The following ERMAP variants were observed in gnomAD, a reference collection of about 807,000 sequenced individuals.
The protein encoded by ERMAP is erythroblast membrane associated protein (Scianna blood group).
In ERMAP, 34 loss-of-function variants were observed where a neutral mutation model predicts 49.5. The ratio of observed to expected loss-of-function variants is 0.69; its 90% confidence interval spans 0.52 to 0.91. ERMAP has a LOEUF of 0.91. ERMAP is among the 40% of genes least tolerant of loss of function. ERMAP has a pLI of 0.00. For synonymous variants in ERMAP, 214 were observed against 232.2 expected (o/e 0.92, Z 0.71); for missense variants, 541 against 582.6 (o/e 0.93, Z 0.74).
Position 42,819,710 on chromosome 1 carries a change from T to C in ERMAP, c.-122+2457T>C, listed in dbSNP as rs1654357024. Among the ~76,000 whole-genome samples, 2 of 152,198 alleles carry C rather than the reference T, an allele frequency of 1.3e-5. No homozygotes were observed. The highest frequency in any genetic ancestry group is 6.5e-5 in the Admixed American group (1 of 15,276). ...GGTGGGCTCAAGTGATCCTCCCGCTTCAGCCCCTCAGTGGCTGGTACTACA... is the reference window on the plus strand; with the variant it reads ...GGTGGGCTCAAGTGATCCTCCCGCTCCAGCCCCTCAGTGGCTGGTACTACA... On this transcript the variant is annotated intron_variant, in intron 1 of 11. Coordinates refer to ENST00000372517, the MANE Select transcript of ERMAP (RefSeq NM_001017922.2). The surrounding 1 kb of genome is among the most constrained non-coding windows in gnomAD (Gnocchi z 5.1).
At position 42,819,206 on chromosome 1, in the gene ERMAP, T is replaced by C. The variant is rs2367021; in HGVS notation, c.-122+1953T>C. 0.024 allele frequency among the ~76,000 whole-genome samples: 1,927 copies of C among 81,788 alleles called. 47 individuals are homozygous for C. The highest frequency in any genetic ancestry group is 0.06 in the African/African-American group (1,707 of 28,600). 53.7% of individuals were successfully genotyped at this position (81,788 alleles called of 152,430 possible). ...GTGTGTGTGTGTGTGTGTGTGTGTG[T>C]GCGCGCGCGCAAGAGAGGGACCGAG... On this transcript the variant is annotated intron_variant, in intron 1 of 11. Transcript: ENST00000372517. This position sits in a 1 kb window ranked among gnomAD's most constrained non-coding sequence, Gnocchi z 5.1.
chr1:42,828,765 C>T (rs1453403109), intron 2 of ERMAP, among the ~76,000 whole-genome samples: 1 of 152,082 alleles, frequency 6.6e-6, no homozygotes, highest in African/African-American at 2.4e-5. Context: ...CCCGAAAGTG[C>T]AGGGTTATAG....
rs916422194 is a variant in ERMAP at position 42,819,214 on chromosome 1, C to T, written c.-122+1961C>T. 1.8e-4 allele frequency among the ~76,000 whole-genome samples: 25 copies of T among 140,958 alleles called. 1 individual carries two copies. The highest frequency in any genetic ancestry group is 9.0e-4 in the East Asian group (4 of 4,464). 92.5% of individuals were successfully genotyped at this position (140,958 alleles called of 152,430 possible). A position where few individuals can be genotyped will look rare whatever the true frequency, so the allele number is the denominator to read the frequency against. On this transcript the variant is annotated intron_variant, in intron 1 of 11. Transcript: ENST00000372517. This position sits in a 1 kb window ranked among gnomAD's most constrained non-coding sequence, Gnocchi z 5.1. ...GTGTGTGTGTGTGTGTGTGCGCGCG[C>T]GCAAGAGAGGGACCGAGAGAGAGAA...
intron 7 of ERMAP, 45 bp downstream of exon 7, chr1:42,837,235 C>T (rs747832466): frequency 6.4e-7 from 1 of 1,574,180 alleles, no homozygotes; most frequent in African/African-American, 1.4e-5. Context: ...AAAACACATT[C>T]TTTATTTTTC....
At chr1:42,839,930 T>G in intron 8 of ERMAP, 103 bp from the exon 9 acceptor site, 4 of 1,160,570 alleles carry the variant, frequency 3.4e-6, no homozygotes, top group Non-Finnish European at 5.1e-6. Context: ...GTATAGCTAT[T>G]GAGTATCTGT....
intron 1 of ERMAP, 94 bp from the exon 2 acceptor site, chr1:42,825,529 C>G: frequency 8.3e-7 from 1 of 1,202,754 alleles, no homozygotes; most frequent in Non-Finnish European, 1.1e-6. Flanking sequence ...TGCTGGTTTA[C>G]AGGGACAGCG....
chr1:42,834,642 G>A, intron 4 of ERMAP: 1 of 237,848 alleles, frequency 4.2e-6, no homozygotes, highest in Non-Finnish European at 8.4e-6. Context: ...TGCAACCTCT[G>A]CCTCCCGGGT....
chr1:42,839,920 G>A (rs909061319), intron 8 of ERMAP, 113 bp from the exon 9 acceptor site: 3 of 1,071,194 alleles, frequency 2.8e-6, no homozygotes, highest in African/African-American at 1.6e-5. Flanking sequence ...AAGTTCCAGG[G>A]TATAGCTATT....
At chr1:42,831,205 TCTTTC>T in intron 4 of ERMAP, 90 bp downstream of exon 4, 6 of 1,442,188 alleles carry the variant, frequency 4.2e-6, no homozygotes, top group African/African-American at 1.4e-5. Context: ...TCTAGACTTT[TCTTTC>T]ATCTGCAGTG....
chr1:42,833,553 C>A (rs998313795), intron 4 of ERMAP, among the ~76,000 whole-genome samples: 16 of 152,080 alleles, frequency 1.1e-4, no homozygotes, highest in African/African-American at 3.9e-4. Flanking sequence ...TTAATCAAAG[C>A]CCTGTTTCTG....
rs1654924003 is a variant in ERMAP, at chr1:42,837,097, G to A, written c.584-61G>A. On this transcript the variant is annotated intron_variant, in intron 6 of 11. Transcript: ENST00000372517. ...GTCCAAGGGCAGGTAAAATCAATAG[G>A]AATCAGGGATCCTCAAGGCAGTGGC... The A allele has an allele frequency of 1.1e-5, 18 of 1,579,516 alleles. No individual in the cohort carries two copies. The South Asian group carries it at 2.0e-4, about 18-fold the overall frequency.
Position 42,817,145 on chromosome 1 carries a change from T to C in ERMAP, c.-230T>C, listed in dbSNP as rs1483108503. 4 of 1,188,638 alleles carry C rather than the reference T, an allele frequency of 3.4e-6. No individual in the cohort carries two copies. The highest frequency in any genetic ancestry group is 4.3e-6 in the Non-Finnish European group (4 of 937,636). 73.6% of individuals were successfully genotyped at this position (1,188,638 alleles called of 1,614,324 possible). ...CCCTCTTCCCTCTCCTGGAGGAAAA[T>C]GGCGGTCGCTGGAGCCGCCGACCAA... is the stretch of plus-strand genomic sequence containing the variant. On this transcript the variant is annotated 5_prime_UTR_variant, in exon 1 of 12. It removes an upstream start codon present in the reference 5' UTR. Coordinates refer to ENST00000372517, the MANE Select transcript of ERMAP (RefSeq NM_001017922.2).
chr1:42,822,010 C>G (rs955451985), intron 1 of ERMAP, among the ~76,000 whole-genome samples: 7 of 140,410 alleles, frequency 5.0e-5, no homozygotes, highest in Admixed American at 3.6e-4. Flanking sequence ...TAGACCCTAG[C>G]TCTAAAAAAA....
At chr1:42,839,173 G>A in intron 8 of ERMAP, 6 of 584,394 alleles carry the variant, frequency 1.0e-5, no homozygotes, top group Non-Finnish European at 1.8e-5. Flanking sequence ...ATCTCCCATA[G>A]GTGAAGCCAT....
At position 42,842,519 on chromosome 1, in the gene ERMAP, G is replaced by T. The variant is rs1463246853; in HGVS notation, c.715G>T (p.Ala239Ser). The T allele has an allele frequency of 6.2e-7, 1 of 1,610,616 alleles. No individual in the cohort carries two copies. Among genetic ancestry groups the T allele is most frequent in the Non-Finnish European group, 8.5e-7 (1 of 1,177,980 alleles). Reference protein sequence around the residue: ...GWRRARLHFVAVTLDPDTAHP... With the variant: ...GWRRARLHFVSVTLDPDTAHP... ...CACCTGTCTGTGTCTCTTTGCAGTGGCAGTGACCCTGGACCCAGACACAGC... is the reference window on the plus strand; with the variant it reads ...CACCTGTCTGTGTCTCTTTGCAGTGTCAGTGACCCTGGACCCAGACACAGC... The change falls in exon 12 of 12, where the codon GCA becomes TCA. Residue 239 changes from alanine to serine, a missense_variant and splice_region_variant. Ala to Ser is a moderately conservative substitution (Grantham distance 99). Coordinates refer to ENST00000372517, the MANE Select transcript of ERMAP (RefSeq NM_001017922.2).
intron 5 of ERMAP, among the ~76,000 whole-genome samples, chr1:42,835,408 G>A (rs1414210341): frequency 6.6e-6 from 1 of 152,180 alleles, no homozygotes; most frequent in African/African-American, 2.4e-5. Flanking sequence ...AACCGACTAT[G>A]CCAGCCTTCT....
chr1:42,839,802 C>G, intron 8 of ERMAP: 1 of 585,014 alleles, frequency 1.7e-6, no homozygotes. Flanking sequence ...ATTTAGCCTG[C>G]AGATAAGGTT....
chr1:42,835,668 G>A (rs1654873353), intron 5 of ERMAP, 64 bp from the exon 6 acceptor site: 1 of 1,602,516 alleles, frequency 6.2e-7, no homozygotes, highest in Non-Finnish European at 8.5e-7. Context: ...GGCATCTTGG[G>A]ACACTTGTGC....
intron 6 of ERMAP, 75 bp downstream of exon 6, chr1:42,835,839 C>T: frequency 6.5e-7 from 1 of 1,534,180 alleles, no homozygotes; most frequent in Middle Eastern, 1.7e-4. Flanking sequence ...TACCCACTAA[C>T]CTGGATTCTG....
Sources: allele counts gnomAD v4.1 joint callset (sites outside exome capture counted in the v4.1 genomes callset), GRCh38; gene constraint gnomAD v4.1.1; non-coding constraint Gnocchi (gnomAD v3.1); transcripts MANE v1.5; gene names NCBI Gene and HGNC (gene_info 2026-07-23, HGNC 2026-07-21).